The following TBC1D2B variants were observed in gnomAD, a reference collection of about 807,000 sequenced individuals.
The protein encoded by TBC1D2B is TBC1 domain family member 2B.
In TBC1D2B, 64 loss-of-function variants were observed where a neutral mutation model predicts 100.8. That is an observed-to-expected ratio of 0.64 (90% CI 0.52 to 0.78). The LOEUF (loss-of-function observed/expected upper bound fraction) is 0.78, where lower values mean the gene tolerates loss of function less well. TBC1D2B is among the 30% of genes least tolerant of loss of function. TBC1D2B has a pLI of 0.00. For missense variants in TBC1D2B, 1,052 were observed against 1,218.4 expected (o/e 0.86, Z 2.03); for synonymous variants, 480 against 479.7 (o/e 1.00, Z -0.01).
At chr15:78,033,173 G>A (rs1398911152) in intron 3 of TBC1D2B, among the ~76,000 whole-genome samples, 1 of 152,228 alleles carries the variant, frequency 6.6e-6, no homozygotes, top group Non-Finnish European at 1.5e-5. Flanking sequence ...TAAGAGGCAT[G>A]TGTTCATTAT....
At position 78,030,178 on chromosome 15, in the gene TBC1D2B, G is replaced by GA. The variant is rs753135779; in HGVS notation, c.684-9dup. 1.2e-5 allele frequency: 20 copies of GA among 1,606,302 alleles called. No individual in the cohort carries two copies. In the Middle Eastern group the frequency reaches 5.0e-4, roughly 40 times the overall value. On this transcript the variant is annotated splice_polypyrimidine_tract_variant and intron_variant, in intron 3 of 12. Coordinates refer to ENST00000300584, the MANE Select transcript of TBC1D2B (RefSeq NM_144572.2). ...AAAGAAGACATCGAATTCCTGTTGG[G>GA]AAAAACAATATGTGTTATTAACAAA...
rs527436859 is a variant in TBC1D2B, at chr15:78,058,419, C to T, written c.361-4232G>A. Reference sequence around the variant, plus strand: ...GGCGCCTCCATATCTCCAACCACCCCATGGTCCATTAATGTCCAAGGAGAG... The same window carrying T: ...GGCGCCTCCATATCTCCAACCACCCTATGGTCCATTAATGTCCAAGGAGAG... On this transcript the variant is annotated intron_variant, in intron 1 of 12. Coordinates refer to ENST00000300584, the MANE Select transcript of TBC1D2B (RefSeq NM_144572.2). Among the ~76,000 whole-genome samples, 5 of 152,336 alleles carry T rather than the reference C, an allele frequency of 3.3e-5. No individual in the cohort carries two copies. The East Asian group carries it at 9.6e-4, about 29-fold the overall frequency.
intron 1 of TBC1D2B, among the ~76,000 whole-genome samples, chr15:78,070,021 A>G (rs1403234793): frequency 6.6e-6 from 1 of 152,242 alleles, no homozygotes; most frequent in Non-Finnish European, 1.5e-5. Context: ...AAAGAAAACA[A>G]AAACCTATTT....
chr15:78,048,097 G>C (rs755745670), intron 2 of TBC1D2B, among the ~76,000 whole-genome samples: 2 of 152,104 alleles, frequency 1.3e-5, no homozygotes, highest in East Asian at 1.9e-4. Flanking sequence ...GAAAACCCCA[G>C]GCCTTGCAGC....
At chr15:78,058,396 C>T (rs193189431) in intron 1 of TBC1D2B, among the ~76,000 whole-genome samples, 2 of 152,192 alleles carry the variant, frequency 1.3e-5, no homozygotes, top group Non-Finnish European at 2.9e-5. Flanking sequence ...TTTAAACAGG[C>T]GCCTCCATAT....
chr15:78,040,900 A>AAGAAAGAAAGAAAGAAAGAAAGAAAGAG (rs1567026354), intron 3 of TBC1D2B, among the ~76,000 whole-genome samples: 1 of 147,248 alleles, frequency 6.8e-6, no homozygotes, highest in Non-Finnish European at 1.5e-5. Flanking sequence ...GAGAGAAAGA[A>AAGAAAGAAAGAAAGAAAGAAAGAAAGAG]AGAAAGAAAG....
At chr15:78,040,876 A>AAGAAAGAAAGAGAGAGAGAG (rs2073074686) in intron 3 of TBC1D2B, among the ~76,000 whole-genome samples, 1 of 146,236 alleles carries the variant, frequency 6.8e-6, no homozygotes, top group East Asian at 2.0e-4. Flanking sequence ...GAAAGAAAGA[A>AAGAAAGAAAGAGAGAGAGAG]AGAAAGAGAG....
Position 78,030,142 on chromosome 15 carries a change from T to G in TBC1D2B, c.712A>C (p.Arg238=), listed in dbSNP as rs1024357180. The G allele has an allele frequency of 1.7e-5, 28 of 1,611,202 alleles. No individual in the cohort carries two copies. Among genetic ancestry groups the G allele is most frequent in the Non-Finnish European group, 2.2e-5 (26 of 1,179,212 alleles). The part of the protein sequence containing the change: ...KNSMSSFRPG[R]GHNDSRRTVF... ...GTCCTCCGACTATCATTATGTCCTC[T>G]CCCAGGACGGAAAGAAGACATCGAA... is the stretch of plus-strand genomic sequence containing the variant. The change falls in exon 4 of 13, where the codon AGA becomes CGA. Residue 238 remains arginine (R), a synonymous_variant. Coordinates refer to ENST00000300584, the MANE Select transcript of TBC1D2B (RefSeq NM_144572.2).
chr15:78,054,787 A>T lies in TBC1D2B; in HGVS notation c.361-600T>A, dbSNP rs558760932. Among the ~76,000 whole-genome samples the T allele has an allele frequency of 5.9e-4, 90 of 152,358 alleles. No individual in the cohort carries two copies. The East Asian group carries it at 0.012, about 20-fold the overall frequency. ...TTAGAAAACAGTTTAGCAATTCCTT[A>T]TAAAGTTAAACATACACTTACCAAG... On this transcript the variant is annotated intron_variant, in intron 1 of 12. Transcript: ENST00000300584.
chr15:78,065,051 C>T (rs940065580), intron 1 of TBC1D2B, among the ~76,000 whole-genome samples: 3 of 152,176 alleles, frequency 2.0e-5, no homozygotes, highest in African/African-American at 4.8e-5. Flanking sequence ...ATCAATTTCC[C>T]GGAAGAGTCT....
In TBC1D2B at chr15:78,077,575, G is replaced by A. The variant is rs992777293; in HGVS notation, c.78C>T (p.Pro26=). 1.4e-6 allele frequency: 2 copies of A among 1,382,126 alleles called. No individual in the cohort carries two copies. Among genetic ancestry groups the A allele is most frequent in the Non-Finnish European group, 1.9e-6 (2 of 1,063,184 alleles). 85.6% of individuals were successfully genotyped at this position (1,382,126 alleles called of 1,614,324 possible). ...CTGGCTCCCGCGCCGGACCCGCCCCGGGCTCCGCGGCCGCCCCCTGCGCCG... is the reference window on the plus strand; with the variant it reads ...CTGGCTCCCGCGCCGGACCCGCCCCAGGCTCCGCGGCCGCCCCCTGCGCCG... The part of the protein sequence containing the change: ...EGAAQGAAAE[P]GAGPAREPAR... The change falls in exon 1 of 13, where the codon CCC becomes CCT. Residue 26 remains proline, a synonymous_variant. Coordinates refer to ENST00000300584, the MANE Select transcript of TBC1D2B (RefSeq NM_144572.2).
intron 3 of TBC1D2B, among the ~76,000 whole-genome samples, chr15:78,044,686 AC>A (rs2073159473): frequency 6.6e-6 from 1 of 152,208 alleles, no homozygotes; most frequent in African/African-American, 2.4e-5. Flanking sequence ...ATTAAATTAA[AC>A]CGTTTAAGTG....
chr15:78,022,585 T>C (rs928493108), intron 6 of TBC1D2B, among the ~76,000 whole-genome samples: 2 of 152,060 alleles, frequency 1.3e-5, no homozygotes, highest in Admixed American at 1.3e-4. Context: ...CACTTTGTCA[T>C]CCAGGCTGGA....
At chr15:78,043,409 C>CT (rs1175942472) in intron 3 of TBC1D2B, among the ~76,000 whole-genome samples, 2 of 151,658 alleles carry the variant, frequency 1.3e-5, no homozygotes, top group African/African-American at 2.4e-5. Flanking sequence ...TTCATTTTTT[C>CT]TTTTTTTTGA....
At chr15:78,037,435 C>T (rs887492226) in intron 3 of TBC1D2B, among the ~76,000 whole-genome samples, 7 of 152,254 alleles carry the variant, frequency 4.6e-5, no homozygotes, top group African/African-American at 1.7e-4. Context: ...AGCACTTCTT[C>T]CTGGTGTGCC....
intron 1 of TBC1D2B, among the ~76,000 whole-genome samples, chr15:78,070,073 A>T (rs2073719986): frequency 1.3e-5 from 2 of 152,236 alleles, no homozygotes; most frequent in African/African-American, 4.8e-5. Flanking sequence ...CTAGCTCTTA[A>T]GATGAAGACC....
At chr15:78,039,841 TCA>T (rs2073034361) in intron 3 of TBC1D2B, among the ~76,000 whole-genome samples, 1 of 151,414 alleles carries the variant, frequency 6.6e-6, no homozygotes, top group African/African-American at 2.4e-5. Flanking sequence ...TAGCTCAACA[TCA>T]CACACCCAAT....
intron 8 of TBC1D2B, among the ~76,000 whole-genome samples, chr15:78,013,744 A>G (rs904535092): frequency 1.3e-5 from 2 of 152,192 alleles, no homozygotes; most frequent in Admixed American, 1.3e-4. Context: ...AAAAACAAAG[A>G]ATGTATTTAT....
Position 78,017,964 on chromosome 15 carries a change from GA to G in TBC1D2B, c.1471-8del, listed in dbSNP as rs35403054. The G allele has an allele frequency of 0.19, 206,667 of 1,071,762 alleles. 6,586 individuals carry two copies. Among genetic ancestry groups the G allele is most frequent in the Non-Finnish European group, 0.2 (162,383 of 796,106 alleles). 66.4% of individuals were successfully genotyped at this position (1,071,762 alleles called of 1,614,324 possible). ...TGTACCCCTGTAGATTATCCTGTTA[GA>G]AAAAAAAAAAATCCCTGAATTCACA... On this transcript the variant is annotated splice_region_variant and splice_polypyrimidine_tract_variant and intron_variant, in intron 6 of 12. Transcript: ENST00000300584.
Sources: allele counts gnomAD v4.1 joint callset (sites outside exome capture counted in the v4.1 genomes callset), GRCh38; gene constraint gnomAD v4.1.1; transcripts MANE v1.5; gene names NCBI Gene and HGNC (gene_info 2026-07-23, HGNC 2026-07-21).